The following PADI1 variants were observed in gnomAD, a reference collection of about 807,000 sequenced individuals.
PADI1 encodes peptidyl arginine deiminase 1.
A neutral mutation model predicts 74.8 loss-of-function variants in PADI1; 65 were observed. The observed-to-expected ratio is 0.87, with a 90% CI of 0.71 to 1.07. PADI1 has a LOEUF of 1.07. Ranked by LOEUF, PADI1 falls within the 50% of genes least tolerant of loss-of-function variation. The pLI is 0.00. For missense variants in PADI1, 943 were observed against 854.0 expected, an observed-to-expected ratio of 1.10 and a Z score of -1.30; for synonymous variants, 371 against 336.2, an observed-to-expected ratio of 1.10 and a Z score of -1.13.
In PADI1 at chr1:17,205,158, G is replaced by GC; in HGVS notation, c.-57dup. ...TCACACTTCTTCCTGGCAAAGAAGT[G>GC]CCCAGGACGGGAGCTGGGGAGCCAG... On this transcript the variant is annotated 5_prime_UTR_variant, in exon 1 of 16. Coordinates refer to ENST00000375471, the MANE Select transcript of PADI1 (RefSeq NM_013358.3). The GC allele has an allele frequency of 7.3e-7, 1 of 1,376,196 alleles. No individual in the cohort carries two copies. Among genetic ancestry groups the GC allele is most frequent in the Middle Eastern group, 1.8e-4 (1 of 5,628 alleles). 85.2% of individuals were successfully genotyped at this position (1,376,196 alleles called of 1,614,324 possible). A position where few individuals can be genotyped will look rare whatever the true frequency, so the allele number is the denominator to read the frequency against.
intron 1 of PADI1, among the ~76,000 whole-genome samples, chr1:17,219,774 G>T (rs1479008052): frequency 2.0e-5 from 3 of 152,072 alleles, no homozygotes; most frequent in African/African-American, 7.2e-5. Flanking sequence ...GGACATTGAG[G>T]AGCATGAAGG....
rs1215268863 is a variant in PADI1 at position 17,225,414 on chromosome 1, G to A, written c.409-397G>A. On this transcript the variant is annotated intron_variant, in intron 4 of 15. Coordinates refer to ENST00000375471, the MANE Select transcript of PADI1 (RefSeq NM_013358.3). ...GGGACAGGTTCCAGGAGAGTGCTGG[G>A]ATGGGAAGGGTCTCCCAAAGATTCT... is the stretch of plus-strand genomic sequence containing the variant. Among the ~76,000 whole-genome samples, 3 of 152,196 alleles carry A rather than the reference G, an allele frequency of 2.0e-5. No homozygotes were observed. In the East Asian group the frequency reaches 5.8e-4, roughly 29 times the overall value.
chr1:17,242,936 G>C (rs1488567865), intron 15 of PADI1, among the ~76,000 whole-genome samples: 1 of 148,290 alleles, frequency 6.7e-6, no homozygotes, highest in East Asian at 2.1e-4. Flanking sequence ...AGTGGGCAAA[G>C]AGGTAGTTCA....
intron 6 of PADI1, 33 bp from the exon 7 acceptor site, chr1:17,228,592 T>C: frequency 6.2e-7 from 1 of 1,612,424 alleles, no homozygotes; most frequent in Non-Finnish European, 8.5e-7. Flanking sequence ...CACCCCTGTC[T>C]CCTCGCTAGC....
chr1:17,240,801 G>A, intron 15 of PADI1, 41 bp downstream of exon 15: 1 of 1,599,518 alleles, frequency 6.3e-7, no homozygotes, highest in Non-Finnish European at 8.5e-7. Context: ...GGGTCTGCGG[G>A]GCTCTGAGAA....
intron 10 of PADI1, among the ~76,000 whole-genome samples, chr1:17,232,359 C>A (rs866249183): frequency 2.0e-5 from 3 of 152,176 alleles, no homozygotes; most frequent in Admixed American, 6.5e-5. Flanking sequence ...TCCCACTTCA[C>A]CCCCTGAGGA....
intron 10 of PADI1, among the ~76,000 whole-genome samples, chr1:17,231,466 C>T (rs925085797): frequency 5.9e-5 from 9 of 152,160 alleles, no homozygotes; most frequent in African/African-American, 1.9e-4. Flanking sequence ...CGGTGATGGT[C>T]CAGGTAGGAG....
At chr1:17,233,183 T>C (rs1334617034) in intron 11 of PADI1, among the ~76,000 whole-genome samples, 3 of 152,206 alleles carry the variant, frequency 2.0e-5, no homozygotes, top group African/African-American at 7.2e-5. Flanking sequence ...TGGCCTGCGA[T>C]CTTTTGGCCT....
In PADI1 at chr1:17,244,751, C is replaced by T; in HGVS notation, c.*508C>T. 1 of 336,778 alleles carries T rather than the reference C, an allele frequency of 3.0e-6. No individual in the cohort carries two copies. Among genetic ancestry groups the T allele is most frequent in the Admixed American group, 4.1e-5 (1 of 24,130 alleles). The allele number at this position is 336,778 out of a possible 1,614,324, so 20.9% of individuals were successfully genotyped here. ...TCTAGGTTTCTTCTCCCAAAGGGGA[C>T]CCAAGGCTGTGACACTTACCTCCAC... is the stretch of plus-strand genomic sequence containing the variant. On this transcript the variant is annotated 3_prime_UTR_variant, in exon 16 of 16. Transcript: ENST00000375471.
intron 1 of PADI1, among the ~76,000 whole-genome samples, chr1:17,220,459 G>A (rs1213053154): frequency 6.6e-6 from 1 of 152,152 alleles, no homozygotes; most frequent in African/African-American, 2.4e-5. Flanking sequence ...TTTGCAGAGT[G>A]GCAGAAAGTG....
rs997001034 is a variant in PADI1 at position 17,244,448 on chromosome 1, C to A, written c.*205C>A. On this transcript the variant is annotated 3_prime_UTR_variant, in exon 16 of 16. Coordinates refer to ENST00000375471, the MANE Select transcript of PADI1 (RefSeq NM_013358.3). ...GCCTACCCAACCCGAGAAGAATGCACCTCATTCTTCCCTGGCCTCTTTCCC... is the reference window on the plus strand; with the variant it reads ...GCCTACCCAACCCGAGAAGAATGCAACTCATTCTTCCCTGGCCTCTTTCCC... The A allele has an allele frequency of 3.0e-6, 2 of 666,996 alleles. No homozygotes were observed. Among genetic ancestry groups the A allele is most frequent in the East Asian group, 5.8e-5 (2 of 34,444 alleles). The allele number at this position is 666,996 out of a possible 1,614,324, so 41.3% of individuals were successfully genotyped here. A position where few individuals can be genotyped will look rare whatever the true frequency, so the allele number is the denominator to read the frequency against.
chr1:17,230,334 G>A (rs2072453176), intron 9 of PADI1, 126 bp downstream of exon 9: 5 of 1,187,484 alleles, frequency 4.2e-6, no homozygotes, highest in Non-Finnish European at 4.7e-6. Context: ...TCTGGGGCGA[G>A]GGCTTTTCCG....
chr1:17,244,148 T>A lies in PADI1; in HGVS notation c.1897T>A (p.Tyr633Asn), dbSNP rs752699724. The change falls in exon 16 of 16, where the codon TAC (tyrosine) becomes AAC (asparagine). Residue 633 changes from tyrosine (Y) to asparagine (N), a missense_variant. Physicochemically the swap from Tyr to Asn is moderately radical, Grantham distance 143. Coordinates refer to ENST00000375471, the MANE Select transcript of PADI1 (RefSeq NM_013358.3). ...LGLHCIFIDD[Y>N]LSYHELQGEI... ...CCTGCACTGCATCTTCATTGATGACTACTTGTCCTACCACGAGCTGCAGGG... is the reference window on the plus strand; with the variant it reads ...CCTGCACTGCATCTTCATTGATGACAACTTGTCCTACCACGAGCTGCAGGG... 6.2e-7 allele frequency: 1 copy of A among 1,614,180 alleles called. No homozygotes were observed. The highest frequency in any genetic ancestry group is 1.1e-5 in the South Asian group (1 of 91,082).
intron 4 of PADI1, among the ~76,000 whole-genome samples, chr1:17,225,159 A>G (rs997420410): frequency 5.3e-5 from 8 of 152,294 alleles, no homozygotes; most frequent in African/African-American, 1.7e-4. Context: ...AATCCCAAGA[A>G]CCTGGGTTTA....
At chr1:17,223,726 C>T in intron 3 of PADI1, 33 bp downstream of exon 3, 4 of 1,574,996 alleles carry the variant, frequency 2.5e-6, no homozygotes, top group Non-Finnish European at 3.5e-6. Context: ...CCCATCTATC[C>T]CTTTGCCCCT....
intron 1 of PADI1, among the ~76,000 whole-genome samples, chr1:17,206,410 G>T (rs1424969639): frequency 6.6e-6 from 1 of 152,152 alleles, no homozygotes; most frequent in Non-Finnish European, 1.5e-5. Context: ...AGGAAAACCA[G>T]GAGCCATGGA....
At chr1:17,233,730 GC>G (rs1476911765) in intron 11 of PADI1, among the ~76,000 whole-genome samples, 2 of 152,214 alleles carry the variant, frequency 1.3e-5, no homozygotes, top group African/African-American at 2.4e-5. Flanking sequence ...TAGCAGGGGT[GC>G]CCCCACTTAC....
chr1:17,227,827 A>C (rs143964071), intron 6 of PADI1, among the ~76,000 whole-genome samples: 1 of 152,362 alleles, frequency 6.6e-6, no homozygotes, highest in South Asian at 2.1e-4. Context: ...TCGACAAGTG[A>C]ATGGATAGCC....
Position 17,223,763 on chromosome 1 carries a change from T to G in PADI1, c.346+70T>G. 4 of 1,277,020 alleles carry G rather than the reference T, an allele frequency of 3.1e-6. No homozygotes were observed. The South Asian group carries it at 4.9e-5, about 16-fold the overall frequency. 79.1% of individuals were successfully genotyped at this position (1,277,020 alleles called of 1,614,324 possible). On this transcript the variant is annotated intron_variant, in intron 3 of 15. Transcript: ENST00000375471. ...CAGGTTGACTGTTTGAGGGTCTTAG[T>G]GGATTCCTTGGAGTGGAAGACCCAT...
Sources: gnomAD v4.1 joint callset for allele counts (sites outside exome capture counted in the v4.1 genomes callset) on GRCh38, gnomAD v4.1.1 for gene constraint, MANE v1.5 for transcripts, NCBI Gene and HGNC (gene_info 2026-07-23, HGNC 2026-07-21) for gene names.